The following ZNF445 variants were observed in gnomAD, a reference collection of about 807,000 sequenced individuals.
ZNF445 encodes the protein zinc finger protein 168.
A neutral mutation model predicts 93.9 loss-of-function variants in ZNF445; 19 were observed. The observed-to-expected ratio is 0.20, with a 90% CI of 0.14 to 0.30. The LOEUF (loss-of-function observed/expected upper bound fraction) is 0.30. Among genes scored for constraint, ZNF445 ranks in the 10% least tolerant of loss-of-function variants. The probability of loss-of-function intolerance (pLI) is 1.00; values close to 1 mark genes in which losing one functional copy is unlikely to be tolerated. For synonymous variants in ZNF445, 449 were observed against 446.3 expected (o/e 1.01, Z -0.08); for missense variants, 1,058 against 1,259.4 (o/e 0.84, Z 2.42).
In ZNF445 at chr3:44,444,025, C is replaced by A. The variant is rs1218805024; in HGVS notation, c.*2550G>T. The A allele has an allele frequency of 6.6e-6, 1 of 152,074 alleles. No individual in the cohort carries two copies. Among genetic ancestry groups the A allele is most frequent in the Non-Finnish European group, 1.5e-5 (1 of 68,024 alleles). The allele number at this position is 152,074 out of a possible 1,614,324, so 9.4% of individuals were successfully genotyped here. A position where few individuals can be genotyped will look rare whatever the true frequency, so the allele number is the denominator to read the frequency against. The stretch of plus-strand genomic sequence containing the variant: ...AAATTAGCTGGCAGGGTGGCACACA[C>A]CTGTAGCCCCAGCTACTCGGGAGGC... On this transcript the variant is annotated 3_prime_UTR_variant, in exon 8 of 8. Coordinates refer to ENST00000396077, the MANE Select transcript of ZNF445 (RefSeq NM_181489.6).
chr3:44,455,079 C>A (rs1314543915), intron 3 of ZNF445, 42 bp downstream of exon 3: 1 of 1,612,688 alleles, frequency 6.2e-7, no homozygotes, highest in Non-Finnish European at 8.5e-7. Context: ...GGCTCACTAG[C>A]AGGCAGAGTT....
intron 1 of ZNF445, among the ~76,000 whole-genome samples, chr3:44,471,108 C>T (rs1437546991): frequency 6.6e-6 from 1 of 152,158 alleles, no homozygotes; most frequent in Non-Finnish European, 1.5e-5. Flanking sequence ...ACAAGCAGTG[C>T]TGCCATTAAT....
chr3:44,436,481 T>A lies in ZNF445; in HGVS notation c.*10094A>T, dbSNP rs1297583603. 3 of 152,244 alleles carry A rather than the reference T, an allele frequency of 2.0e-5. No individual in the cohort carries two copies. Among genetic ancestry groups the A allele is most frequent in the African/African-American group, 4.8e-5 (2 of 41,454 alleles). The allele number at this position is 152,244 out of a possible 1,614,324, so 9.4% of individuals were successfully genotyped here. A position where few individuals can be genotyped will look rare whatever the true frequency, so the allele number is the denominator to read the frequency against. ...ACTCTCTACATGAATTTATTTCTCA[T>A]AATGAAGTGTCCTCTGGACCCTCCC... On this transcript the variant is annotated 3_prime_UTR_variant, in exon 8 of 8. Coordinates refer to ENST00000396077, the MANE Select transcript of ZNF445 (RefSeq NM_181489.6).
intron 1 of ZNF445, among the ~76,000 whole-genome samples, chr3:44,472,349 T>G (rs989317926): frequency 6.6e-6 from 1 of 152,134 alleles, no homozygotes; most frequent in Non-Finnish European, 1.5e-5. Context: ...GACTTTTTTT[T>G]CCCCCCTACA....
At chr3:44,467,765 A>T (rs533293246) in intron 1 of ZNF445, among the ~76,000 whole-genome samples, 3 of 152,326 alleles carry the variant, frequency 2.0e-5, no homozygotes, top group African/African-American at 7.2e-5. Context: ...TAAACAAATC[A>T]GTCCTATCAT....
chr3:44,454,932 G>A (rs1057053236), intron 3 of ZNF445, 189 bp downstream of exon 3: 2 of 649,838 alleles, frequency 3.1e-6, no homozygotes, highest in South Asian at 3.9e-5. Flanking sequence ...GGGAAGGTAG[G>A]AAAGGATACC....
intron 1 of ZNF445, among the ~76,000 whole-genome samples, chr3:44,468,521 T>A (rs1698223379): frequency 6.6e-6 from 1 of 152,218 alleles, no homozygotes; most frequent in South Asian, 2.1e-4. Context: ...TTAGGAGTCA[T>A]GCAGCTGGAG....
intron 1 of ZNF445, among the ~76,000 whole-genome samples, chr3:44,466,407 T>C (rs1369763862): frequency 1.3e-5 from 2 of 152,348 alleles, no homozygotes; most frequent in East Asian, 1.9e-4. Context: ...ACAGGAAGCA[T>C]TGTCAAATAT....
chr3:44,450,622 G>A (rs1432293967), intron 5 of ZNF445, 49 bp from the exon 6 acceptor site: 8 of 1,592,862 alleles, frequency 5.0e-6, no homozygotes, highest in Admixed American at 1.7e-5. Context: ...CCAGCTTTGA[G>A]GTGGAAAGGG....
Position 44,442,276 on chromosome 3 carries a change from G to A in ZNF445, c.*4299C>T, listed in dbSNP as rs1042361067. 1 of 152,090 alleles carries A rather than the reference G, an allele frequency of 6.6e-6. No individual in the cohort carries two copies. Among genetic ancestry groups the A allele is most frequent in the Non-Finnish European group, 1.5e-5 (1 of 68,016 alleles). 9.4% of individuals were successfully genotyped at this position (152,090 alleles called of 1,614,324 possible). ...TGAAATGCAGGCTTTTCCCAATCTTGCTACCTAAACAATACTTCAGTGAAG... is the reference window on the plus strand; with the variant it reads ...TGAAATGCAGGCTTTTCCCAATCTTACTACCTAAACAATACTTCAGTGAAG... On this transcript the variant is annotated 3_prime_UTR_variant, in exon 8 of 8. Coordinates refer to ENST00000396077, the MANE Select transcript of ZNF445 (RefSeq NM_181489.6).
At chr3:44,466,770 T>C (rs934141426) in intron 1 of ZNF445, among the ~76,000 whole-genome samples, 2 of 152,246 alleles carry the variant, frequency 1.3e-5, no homozygotes, top group African/African-American at 2.4e-5. Flanking sequence ...CACTTTCAAA[T>C]AGATGAATGG....
intron 1 of ZNF445, among the ~76,000 whole-genome samples, chr3:44,461,576 A>G (rs1698114746): frequency 6.6e-6 from 1 of 152,152 alleles, no homozygotes; most frequent in East Asian, 1.9e-4. Context: ...TGGGGTGACT[A>G]TCTGCTCTTC....
intron 4 of ZNF445, 146 bp from the exon 5 acceptor site, chr3:44,451,108 G>A: frequency 9.9e-7 from 1 of 1,008,572 alleles, no homozygotes; most frequent in South Asian, 1.6e-5. Flanking sequence ...TCAGTCTACT[G>A]GGGCCAGGAA....
chr3:44,461,378 A>G (rs1380346547), intron 1 of ZNF445, among the ~76,000 whole-genome samples: 4 of 60,972 alleles, frequency 6.6e-5, no homozygotes, highest in African/African-American at 1.2e-4. Context: ...CGAGAATAGG[A>G]GGATAGCTTG....
At chr3:44,467,243 G>C (rs1698208832) in intron 1 of ZNF445, among the ~76,000 whole-genome samples, 1 of 152,144 alleles carries the variant, frequency 6.6e-6, no homozygotes, top group Non-Finnish European at 1.5e-5. Context: ...GAGCATATTT[G>C]TTCCTTTCTA....
At chr3:44,472,519 T>G (rs1288004471) in intron 1 of ZNF445, among the ~76,000 whole-genome samples, 1 of 152,152 alleles carries the variant, frequency 6.6e-6, no homozygotes, top group Non-Finnish European at 1.5e-5. Context: ...CAGTAATGTA[T>G]TTGTAAAGAG....
intron 1 of ZNF445, among the ~76,000 whole-genome samples, chr3:44,475,123 A>G (rs1421264757): frequency 6.6e-6 from 1 of 152,130 alleles, no homozygotes; most frequent in Non-Finnish European, 1.5e-5. Flanking sequence ...GGTTTGTCTT[A>G]TCTTACATTG....
rs1043502187 is a variant in ZNF445 at position 44,436,885 on chromosome 3, C to T, written c.*9690G>A. The T allele has an allele frequency of 2.6e-5, 4 of 152,326 alleles. No individual in the cohort carries two copies. The South Asian group carries it at 8.3e-4, about 32-fold the overall frequency. The allele number at this position is 152,326 out of a possible 1,614,324, so 9.4% of individuals were successfully genotyped here. On this transcript the variant is annotated 3_prime_UTR_variant, in exon 8 of 8. Transcript: ENST00000396077. Reference sequence around the variant, plus strand: ...TTCAGCTTGATCTGACTTTATATTCCTTCCACGATGATCCTGCACCCTTGT... The same window carrying T: ...TTCAGCTTGATCTGACTTTATATTCTTTCCACGATGATCCTGCACCCTTGT...
intron 1 of ZNF445, among the ~76,000 whole-genome samples, chr3:44,468,295 A>T (rs1698220603): frequency 6.6e-6 from 1 of 152,232 alleles, no homozygotes; most frequent in Non-Finnish European, 1.5e-5. Flanking sequence ...TGAGACAGTG[A>T]AAGAGATCTA....
Sources: allele counts gnomAD v4.1 joint callset (sites outside exome capture counted in the v4.1 genomes callset), GRCh38; gene constraint gnomAD v4.1.1; transcripts MANE v1.5; gene names NCBI Gene and HGNC (gene_info 2026-07-23, HGNC 2026-07-21).